Variants in KDM1B observed in about 807,000 individuals in gnomAD.
KDM1B encodes the protein lysine demethylase 1B, also known as lysine-specific histone demethylase 2.
Under a neutral mutation model 107.4 loss-of-function variants are expected in KDM1B, and 63 were observed. The observed-to-expected ratio is 0.59, with a 90% CI of 0.48 to 0.72. The LOEUF is 0.72. KDM1B is among the 30% of genes least tolerant of loss of function. KDM1B has a pLI of 0.00. For synonymous variants in KDM1B, 363 were observed against 363.9 expected (o/e 1.00, Z 0.03); for missense variants, 749 against 1,020.8 (o/e 0.73, Z 3.63).
At chr6:18,190,900 A>AG (rs539463792) in intron 9 of KDM1B, among the ~76,000 whole-genome samples, 1 of 111,802 alleles carries the variant, frequency 8.9e-6, no homozygotes, top group African/African-American at 6.8e-5. Flanking sequence ...ACTCTGTCTC[A>AG]AAAAAAAAAA....
intron 7 of KDM1B, among the ~76,000 whole-genome samples, chr6:18,179,849 CCTTTT>C (rs1786319983): frequency 1.0e-5 from 1 of 96,236 alleles, no homozygotes; most frequent in African/African-American, 4.2e-5. Context: ...GGTTTTTTTT[CCTTTT>C]TTTTTTTTTT....
At chr6:18,171,336 C>G (rs775329916) in intron 6 of KDM1B, 27 bp from the exon 7 acceptor site, 2 of 1,101,974 alleles carry the variant, frequency 1.8e-6, no homozygotes, top group Non-Finnish European at 2.8e-6. Context: ...CTCACTTGTT[C>G]ATCTTGACTT....
chr6:18,187,787 T>G lies in KDM1B; in HGVS notation c.574-5T>G. On this transcript the variant is annotated splice_region_variant and splice_polypyrimidine_tract_variant and intron_variant, in intron 8 of 21. Coordinates refer to ENST00000650836, the MANE Select transcript of KDM1B (RefSeq NM_001364614.2). The stretch of plus-strand genomic sequence containing the variant: ...TCTCTCTTCTTCCTGTCTGGCCCAT[T>G]GCAGAGAGTATTGGAAGTTTCCAAC... 6.5e-7 allele frequency: 1 copy of G among 1,539,182 alleles called. No homozygotes were observed.
rs531743475 is a variant in KDM1B, at chr6:18,156,237, G to A, written c.-14+311G>A. ...CTCTGGGATTGGAGACCTGGAGGAG[G>A]GGTGGCCCGATTAGGGTAGCTGTTA... is the stretch of plus-strand genomic sequence containing the variant. On this transcript the variant is annotated intron_variant, in intron 2 of 21. Coordinates refer to ENST00000650836, the MANE Select transcript of KDM1B (RefSeq NM_001364614.2). 1.2e-4 allele frequency among the ~76,000 whole-genome samples: 18 copies of A among 152,344 alleles called. 2 individuals are homozygous for A. Among genetic ancestry groups the A allele is most frequent in the African/African-American group, 4.3e-4 (18 of 41,588 alleles).
rs1189401773 is a variant in KDM1B at position 18,205,236 on chromosome 6, C to T, written c.1532-301C>T. On this transcript the variant is annotated intron_variant, in intron 14 of 21. Transcript: ENST00000650836. This position sits in a 1 kb window ranked among gnomAD's most constrained non-coding sequence, Gnocchi z 5.7. ...TCTTGAGCAAAAGAGGAAACCACTTCTCAACGAAGCGAAATTGAGACGTTT... is the reference window on the plus strand; with the variant it reads ...TCTTGAGCAAAAGAGGAAACCACTTTTCAACGAAGCGAAATTGAGACGTTT... Among the ~76,000 whole-genome samples the T allele has an allele frequency of 1.3e-5, 2 of 152,082 alleles. No homozygotes were observed. Among genetic ancestry groups the T allele is most frequent in the Admixed American group, 6.6e-5 (1 of 15,242 alleles).
chr6:18,187,199 A>G (rs1370078566), intron 8 of KDM1B, among the ~76,000 whole-genome samples: 1 of 152,174 alleles, frequency 6.6e-6, no homozygotes, highest in African/African-American at 2.4e-5. Context: ...TCAACTCTGG[A>G]ACAGTATCAC....
At chr6:18,194,727 G>C (rs1319376008) in intron 10 of KDM1B, among the ~76,000 whole-genome samples, 1 of 151,368 alleles carries the variant, frequency 6.6e-6, no homozygotes, top group African/African-American at 2.4e-5. Context: ...TCCAAGTTTT[G>C]GGCTCAAGTG....
At chr6:18,206,388 G>A (rs1265140449) in intron 15 of KDM1B, among the ~76,000 whole-genome samples, 1 of 151,850 alleles carries the variant, frequency 6.6e-6, no homozygotes, top group Non-Finnish European at 1.5e-5. Flanking sequence ...TTAGTGGCAT[G>A]TGCCTGTAGT....
At chr6:18,173,445 GT>G (rs750904768) in intron 7 of KDM1B, among the ~76,000 whole-genome samples, 14 of 152,116 alleles carry the variant, frequency 9.2e-5, no homozygotes, top group Admixed American at 2.6e-4. Context: ...TTTCCCCCCA[GT>G]TTGTGTTAAG....
At chr6:18,217,671 T>C (rs1249587340) in intron 20 of KDM1B, 62 bp from the exon 21 acceptor site, 54 of 1,448,300 alleles carry the variant, frequency 3.7e-5, no homozygotes, top group Non-Finnish European at 5.0e-5. Flanking sequence ...CATGAGTCAC[T>C]GCGCCCTGCC....
At chr6:18,183,131 C>T in intron 7 of KDM1B, among the ~76,000 whole-genome samples, 1 of 152,030 alleles carries the variant, frequency 6.6e-6, no homozygotes, top group East Asian at 1.9e-4. Context: ...GGTGTGCCTC[C>T]CTACTACTCA....
chr6:18,208,022 A>G, intron 16 of KDM1B, 110 bp from the exon 17 acceptor site: 1 of 800,790 alleles, frequency 1.2e-6, no homozygotes, highest in Admixed American at 2.1e-5. Flanking sequence ...TGCCAGGAAA[A>G]GATTCCCCTT....
chr6:18,192,441 G>C (rs528117520), intron 10 of KDM1B, among the ~76,000 whole-genome samples: 1 of 152,334 alleles, frequency 6.6e-6, no homozygotes, highest in South Asian at 2.1e-4. Context: ...AGAATGAAAT[G>C]ACATAACCTG....
At chr6:18,157,703 T>G (rs1784713324) in intron 2 of KDM1B, among the ~76,000 whole-genome samples, 1 of 148,572 alleles carries the variant, frequency 6.7e-6, no homozygotes, top group African/African-American at 2.6e-5. Flanking sequence ...TATATAATAA[T>G]TAATATTTAT....
intron 17 of KDM1B, 152 bp downstream of exon 17, chr6:18,208,358 G>A: frequency 1.7e-6 from 1 of 587,516 alleles, no homozygotes; most frequent in South Asian, 2.2e-5. Context: ...CTACTTAATT[G>A]TATGTAGATA....
intron 20 of KDM1B, 68 bp downstream of exon 20, chr6:18,215,197 C>G (rs1789131197): frequency 6.6e-7 from 1 of 1,523,436 alleles, no homozygotes; most frequent in Non-Finnish European, 8.8e-7. Flanking sequence ...GTGTGAAGCC[C>G]AAGCAGCCAG....
chr6:18,190,277 A>G (rs971416556), intron 9 of KDM1B, among the ~76,000 whole-genome samples: 4 of 151,566 alleles, frequency 2.6e-5, no homozygotes, highest in Non-Finnish European at 5.9e-5. Context: ...TGTACTTAAC[A>G]CTACTGAACT....
chr6:18,204,003 G>A lies in KDM1B; in HGVS notation c.1532-1534G>A, dbSNP rs113611425. Among the ~76,000 whole-genome samples, 1,249 of 152,216 alleles carry A rather than the reference G, an allele frequency of 8.2e-3. 23 individuals are homozygous for A. Among genetic ancestry groups the A allele is most frequent in the African/African-American group, 0.029 (1,192 of 41,522 alleles). ...AAGCGGGGATGGGACTTCTACAAAA[G>A]TCACAGAAAGTGGCACAAAGCCCAG... On this transcript the variant is annotated intron_variant, in intron 14 of 21. Coordinates refer to ENST00000650836, the MANE Select transcript of KDM1B (RefSeq NM_001364614.2). The surrounding 1 kb of genome is among the most constrained non-coding windows in gnomAD (Gnocchi z 4.9).
At chr6:18,165,636 A>G (rs1197454753) in intron 5 of KDM1B, among the ~76,000 whole-genome samples, 5 of 152,118 alleles carry the variant, frequency 3.3e-5, no homozygotes, top group Non-Finnish European at 7.4e-5. Context: ...CAGCCTGGCC[A>G]ACATGACGAA....
Sources: gnomAD v4.1 joint callset for allele counts (sites outside exome capture counted in the v4.1 genomes callset) on GRCh38, gnomAD v4.1.1 for gene constraint, Gnocchi (gnomAD v3.1) non-coding constraint, MANE v1.5 for transcripts, NCBI Gene and HGNC (gene_info 2026-07-23, HGNC 2026-07-21) for gene names.